NUDT9: variants seen among roughly 807,000 people sequenced by gnomAD.
NUDT9 encodes ADP-ribose pyrophosphatase.
NUDT9 carries 31 observed loss-of-function variants against 41.0 expected under a neutral mutation model. The observed-to-expected ratio is 0.76, with a 90% confidence interval of 0.57 to 1.02. NUDT9 has a LOEUF of 1.02. NUDT9 is among the 50% of genes least tolerant of loss of function. The probability of loss-of-function intolerance (pLI) is 0.00; values close to 1 mark genes in which losing one functional copy is unlikely to be tolerated. For missense variants in NUDT9, 380 were observed against 431.4 expected (o/e 0.88, Z 1.06); for synonymous variants, 146 against 147.6 (o/e 0.99, Z 0.08).
At chr4:87,426,227 T>TGC (rs1721408766) in intron 1 of NUDT9, among the ~76,000 whole-genome samples, 1 of 151,932 alleles carries the variant, frequency 6.6e-6, no homozygotes, top group African/African-American at 2.4e-5. Flanking sequence ...GTGTGTAGAA[T>TGC]ATTGTTTTAT....
At chr4:87,445,847 A>G (rs1348654578) in intron 4 of NUDT9, among the ~76,000 whole-genome samples, 1 of 151,998 alleles carries the variant, frequency 6.6e-6, no homozygotes, top group East Asian at 1.9e-4. Context: ...AAATCCATAC[A>G]TTTGTCCTTC....
intron 7 of NUDT9, among the ~76,000 whole-genome samples, chr4:87,457,425 T>C (rs200304775): frequency 6.6e-6 from 1 of 151,770 alleles, no homozygotes; most frequent in East Asian, 1.9e-4. Context: ...TTAGTAGAGA[T>C]GGGGTTTCAC....
chr4:87,422,996 G>A lies in NUDT9; in HGVS notation c.91G>A (p.Gly31Ser). Residue 31 changes from glycine to serine, a missense_variant, in exon 1 of 8, where the codon GGC (glycine) becomes AGC (serine). Physicochemically the swap from Gly to Ser is moderately conservative, Grantham distance 56. Coordinates refer to ENST00000302174, the MANE Select transcript of NUDT9 (RefSeq NM_024047.5). ...SVTIRSSRCR[G>S]IQAFRNSFSS... Reference sequence around the variant, plus strand: ...GACTATCAGGTCCTCGCGCTGCCGCGGCATCCAGGCGTTCAGGTATTCCAC... The same window carrying A: ...GACTATCAGGTCCTCGCGCTGCCGCAGCATCCAGGCGTTCAGGTATTCCAC... 1 of 1,612,838 alleles carries A rather than the reference G, an allele frequency of 6.2e-7. No individual in the cohort carries two copies. The highest frequency in any genetic ancestry group is 1.7e-5 in the Admixed American group (1 of 59,870).
rs147347308 is a variant in NUDT9, at chr4:87,454,436, G to A, written c.855G>A (p.Val285=). Residue 285 remains valine (V), a synonymous_variant, in exon 7 of 8, where the codon GTG becomes GTA. Transcript: ENST00000302174. The part of the protein sequence containing the change: ...TDNAWMETEA[V]NYHDETGEIM... ...ATGCATGGATGGAGACAGAAGCTGT[G>A]AACTACCATGACGAAACAGGTAACT... 2.5e-6 allele frequency: 4 copies of A among 1,607,994 alleles called. No homozygotes were observed. The African/African-American group carries it at 5.3e-5, about 21-fold the overall frequency.
At chr4:87,431,397 G>A (rs1396729592) in intron 1 of NUDT9, among the ~76,000 whole-genome samples, 1 of 152,082 alleles carries the variant, frequency 6.6e-6, no homozygotes, top group Non-Finnish European at 1.5e-5. Flanking sequence ...GGCTATTTGG[G>A]GTTCCTTGAG....
intron 1 of NUDT9, among the ~76,000 whole-genome samples, chr4:87,426,959 CCAAA>C (rs930451964): frequency 3.4e-5 from 5 of 146,532 alleles, no homozygotes; most frequent in Admixed American, 1.4e-4. Context: ...AAAAACTAAA[CCAAA>C]AAAAAAAAAA....
At chr4:87,429,471 A>G (rs1168115298) in intron 1 of NUDT9, among the ~76,000 whole-genome samples, 2 of 151,986 alleles carry the variant, frequency 1.3e-5, no homozygotes, top group Non-Finnish European at 1.5e-5. Flanking sequence ...TTCTTTTTAT[A>G]TATATATAAT....
chr4:87,455,649 TTC>T lies in NUDT9; in HGVS notation c.874+1196_874+1197del, dbSNP rs1491128552. On this transcript the variant is annotated intron_variant, in intron 7 of 7. Transcript: ENST00000302174. ...TTTAGCGTGCTTTTAGTGCTTTTTT[TTC>T]TTTTTTCTTTTTTTTTTTTTTTAAC... is the stretch of plus-strand genomic sequence containing the variant. Among the ~76,000 whole-genome samples, 619 of 151,496 alleles carry T rather than the reference TTC, an allele frequency of 4.1e-3. 4 individuals carry two copies. The highest frequency in any genetic ancestry group is 0.014 in the African/African-American group (595 of 41,238).
intron 6 of NUDT9, among the ~76,000 whole-genome samples, chr4:87,452,450 CTGTT>C (rs1722772695): frequency 6.6e-6 from 1 of 151,940 alleles, no homozygotes; most frequent in African/African-American, 2.4e-5. Context: ...AGTCTCATGT[CTGTT>C]TTGTCCATAT....
chr4:87,443,211 CT>C (rs1722290019), intron 4 of NUDT9, among the ~76,000 whole-genome samples: 1 of 152,034 alleles, frequency 6.6e-6, no homozygotes, highest in Non-Finnish European at 1.5e-5. Context: ...CATATGTGGT[CT>C]GTTATTGACC....
chr4:87,426,019 C>T (rs1721400694), intron 1 of NUDT9, among the ~76,000 whole-genome samples: 1 of 151,918 alleles, frequency 6.6e-6, no homozygotes, highest in Non-Finnish European at 1.5e-5. Flanking sequence ...CCCTATGTTG[C>T]CCAGGCTGGT....
intron 1 of NUDT9, among the ~76,000 whole-genome samples, chr4:87,428,597 C>T (rs1421747199): frequency 6.6e-6 from 1 of 152,146 alleles, no homozygotes; most frequent in Non-Finnish European, 1.5e-5. Flanking sequence ...ATGGAGGAAT[C>T]TTAAATGCAT....
At chr4:87,446,650 G>A (rs529650724) in intron 4 of NUDT9, among the ~76,000 whole-genome samples, 5 of 152,192 alleles carry the variant, frequency 3.3e-5, no homozygotes, top group South Asian at 2.1e-4. Flanking sequence ...TTGTGTTTAC[G>A]CCCTTGTTAA....
At chr4:87,437,249 C>CAAAAAA (rs776722819) in intron 2 of NUDT9, among the ~76,000 whole-genome samples, 3 of 55,540 alleles carry the variant, frequency 5.4e-5, no homozygotes, top group African/African-American at 7.2e-5. Context: ...GACTCCATCT[C>CAAAAAA]AAAAAAAAAA....
chr4:87,444,076 C>T (rs1401537681), intron 4 of NUDT9, among the ~76,000 whole-genome samples: 2 of 152,118 alleles, frequency 1.3e-5, no homozygotes, highest in East Asian at 3.8e-4. Context: ...GAAATATTGT[C>T]ATATTTGTCA....
rs1349716807 is a variant in NUDT9 at position 87,454,440 on chromosome 4, T to G, written c.859T>G (p.Tyr287Asp). 2.5e-6 allele frequency: 4 copies of G among 1,602,136 alleles called. No homozygotes were observed. Among genetic ancestry groups the G allele is most frequent in the Non-Finnish European group, 3.4e-6 (4 of 1,169,170 alleles). The change falls in exon 7 of 8, where the codon TAC becomes GAC. Residue 287 changes from tyrosine (Y) to aspartate (D), a missense_variant. By Grantham distance (160) the Tyr-to-Asp change is radical. Transcript: ENST00000302174. Reference sequence around the variant, plus strand: ...ATGGATGGAGACAGAAGCTGTGAACTACCATGACGAAACAGGTAACTTTAT... The same window carrying G: ...ATGGATGGAGACAGAAGCTGTGAACGACCATGACGAAACAGGTAACTTTAT... ...NAWMETEAVN[Y>D]HDETGEIMDN...
At position 87,422,911 on chromosome 4, in the gene NUDT9, G is replaced by C. The variant is rs11937770; in HGVS notation, c.6G>C (p.Ala2=). 31,393 of 1,609,628 alleles carry C rather than the reference G, an allele frequency of 0.02. 4,769 individuals carry two copies. In the African/African-American group the frequency reaches 0.35, roughly 18 times the overall value. M[A]GRLLGKALAA... is the part of the protein sequence containing the mutation. ...AAGCCGCCCTCGGGGCGCTCATGGC[G>C]GGACGCCTCCTGGGAAAGGCTTTAG... The change falls in exon 1 of 8, where the codon GCG becomes GCC. Residue 2 remains alanine, a synonymous_variant. Coordinates refer to ENST00000302174, the MANE Select transcript of NUDT9 (RefSeq NM_024047.5).
Position 87,422,752 on chromosome 4 carries a change from A to G in NUDT9, c.-154A>G, listed in dbSNP as rs909438597. 2.0e-5 allele frequency: 11 copies of G among 559,756 alleles called. No individual in the cohort carries two copies. Among genetic ancestry groups the G allele is most frequent in the African/African-American group, 4.2e-5 (2 of 47,112 alleles). 34.7% of individuals were successfully genotyped at this position (559,756 alleles called of 1,614,324 possible). On this transcript the variant is annotated 5_prime_UTR_variant, in exon 1 of 8. Transcript: ENST00000302174. The stretch of plus-strand genomic sequence containing the variant: ...AGGGCTCTTGATCTGTGATTTATAG[A>G]TAGGCACAGCTACTCCCGTTCGGGA...
rs568396393 is a variant in NUDT9 at position 87,435,124 on chromosome 4, A to G, written c.251A>G (p.Lys84Arg). The G allele has an allele frequency of 1.9e-6, 3 of 1,614,224 alleles. No homozygotes were observed. The highest frequency in any genetic ancestry group is 3.3e-5 in the Admixed American group (2 of 60,024). Residue 84 changes from lysine to arginine, a missense_variant, in exon 2 of 8, where the codon AAA (lysine) becomes AGA (arginine). Physicochemically the swap from Lys to Arg is conservative, Grantham distance 26 (BLOSUM62 2). Coordinates refer to ENST00000302174, the MANE Select transcript of NUDT9 (RefSeq NM_024047.5). ...GAACGAAGCCAGGTTCCTAATGAGAAAGTGGGCTGGCTTGTTGAGTGGCAA... is the reference window on the plus strand; with the variant it reads ...GAACGAAGCCAGGTTCCTAATGAGAGAGTGGGCTGGCTTGTTGAGTGGCAA... ...KVERSQVPNE[K>R]VGWLVEWQDY...
Sources: allele counts gnomAD v4.1 joint callset (sites outside exome capture counted in the v4.1 genomes callset), GRCh38; gene constraint gnomAD v4.1.1; transcripts MANE v1.5; gene names NCBI Gene and HGNC (gene_info 2026-07-23, HGNC 2026-07-21).